HYDIN: variants seen among roughly 807,000 people sequenced by gnomAD.
The protein encoded by HYDIN is HYDIN axonemal central pair apparatus protein.
HYDIN carries 132 observed loss-of-function variants against 403.9 expected under a neutral mutation model. That is an observed-to-expected ratio of 0.33 (90% CI 0.28 to 0.38). The LOEUF (loss-of-function observed/expected upper bound fraction) is 0.38. Among genes scored for constraint, HYDIN ranks in the 10% least tolerant of loss-of-function variants. HYDIN has a pLI of 1.00. For synonymous variants in HYDIN, 1,202 were observed against 1,891.7 expected (o/e 0.64, Z 9.46); for missense variants, 2,827 against 5,009.5 (o/e 0.56, Z 13.15).
At chr16:71,042,475 T>C (rs1183577393) in intron 18 of HYDIN, among the ~76,000 whole-genome samples, 1 of 152,216 alleles carries the variant, frequency 6.6e-6, no homozygotes, top group Non-Finnish European at 1.5e-5. Context: ...TCTCTCTCTC[T>C]CTTTCACTTT....
chr16:71,190,238 T>C (rs897933132), intron 1 of HYDIN, among the ~76,000 whole-genome samples: 2 of 152,018 alleles, frequency 1.3e-5, no homozygotes, highest in Admixed American at 6.6e-5. Flanking sequence ...ACTTGGCACA[T>C]TGTCTCATAC....
Position 71,175,678 on chromosome 16 carries a change from C to A in HYDIN, c.445G>T (p.Asp149Tyr). 1.2e-6 allele frequency: 2 copies of A among 1,614,178 alleles called. No homozygotes were observed. Among genetic ancestry groups the A allele is most frequent in the Non-Finnish European group, 1.7e-6 (2 of 1,179,980 alleles). The stretch of plus-strand genomic sequence containing the variant: ...CCAGGAGCCACTTTGTGGCCAATAT[C>A]TTTGGGGCTGATTACTTTAAAGTAA... ...SPYFKVISPK[D>Y]IGHKVAPGVP... is the part of the protein sequence containing the mutation. Residue 149 changes from aspartate (D) to tyrosine (Y), a missense_variant, in exon 5 of 86, where the codon GAT becomes TAT. By Grantham distance (160) the Asp-to-Tyr change is radical. Coordinates refer to ENST00000393567, the MANE Select transcript of HYDIN (RefSeq NM_001270974.2).
intron 4 of HYDIN, among the ~76,000 whole-genome samples, chr16:71,178,221 A>G (rs1448699249): frequency 6.6e-6 from 1 of 152,090 alleles, no homozygotes; most frequent in East Asian, 1.9e-4. Flanking sequence ...GGAGCTTGAG[A>G]GCAGCCTGAC....
chr16:70,892,776 G>A (rs1436708822), intron 55 of HYDIN, among the ~76,000 whole-genome samples: 1 of 152,190 alleles, frequency 6.6e-6, no homozygotes, highest in Non-Finnish European at 1.5e-5. Context: ...GGCCATTGCA[G>A]GAGATCTCTG....
At chr16:71,042,193 C>T (rs981015409) in intron 18 of HYDIN, among the ~76,000 whole-genome samples, 6 of 151,986 alleles carry the variant, frequency 3.9e-5, no homozygotes, top group Admixed American at 1.3e-4. Context: ...TACATACACA[C>T]AATTTCAAAA....
At chr16:70,811,430 C>T (rs1459217576) in intron 84 of HYDIN, 1 of 152,782 alleles carries the variant, frequency 6.5e-6, no homozygotes, top group Middle Eastern at 6.6e-4. Context: ...CAGTGAGACC[C>T]CATCTCTAAA....
chr16:71,093,796 A>G (rs780978053), intron 11 of HYDIN, 21 bp downstream of exon 11: 14 of 1,608,806 alleles, frequency 8.7e-6, no homozygotes, highest in Non-Finnish European at 1.1e-5. Context: ...TGAAGTATCA[A>G]CGAACAACTC....
chr16:71,102,506 T>C (rs1308971293), intron 10 of HYDIN, among the ~76,000 whole-genome samples: 1 of 151,756 alleles, frequency 6.6e-6, no homozygotes, highest in Non-Finnish European at 1.5e-5. Context: ...TAAGTTGTTT[T>C]ACCTAAATTC....
Position 71,129,631 on chromosome 16 carries a change from T to C in HYDIN, c.1227+9A>G, listed in dbSNP as rs764016172. On this transcript the variant is annotated intron_variant, in intron 9 of 85. Transcript: ENST00000393567. The stretch of plus-strand genomic sequence containing the variant: ...TTCCTGTATGGTCAGCTTTTATTTA[T>C]ATGCTCACCAGGGGCTCCACAGTGA... 6.2e-7 allele frequency: 1 copy of C among 1,601,860 alleles called. No individual in the cohort carries two copies. The highest frequency in any genetic ancestry group is 8.5e-7 in the Non-Finnish European group (1 of 1,175,484).
rs1200364003 is a variant in HYDIN, at chr16:71,178,432, AAAAT to A, written c.381+492_381+495del. On this transcript the variant is annotated intron_variant, in intron 4 of 85. Coordinates refer to ENST00000393567, the MANE Select transcript of HYDIN (RefSeq NM_001270974.2). ...GAAACTCTGTCTCAAAAAAAAAAAA[AAAAT>A]ATATATATATATATATGTATATATA... is the stretch of plus-strand genomic sequence containing the variant. 7.8e-3 allele frequency among the ~76,000 whole-genome samples: 627 copies of A among 80,710 alleles called. 2 individuals are homozygous for A. Among genetic ancestry groups the A allele is most frequent in the Middle Eastern group, 0.028 (5 of 180 alleles). The allele number at this position is 80,710 out of a possible 152,430, so 52.9% of individuals were successfully genotyped here. A position where few individuals can be genotyped will look rare whatever the true frequency, so the allele number is the denominator to read the frequency against.
chr16:70,994,400 G>T (rs2079461853), intron 23 of HYDIN, among the ~76,000 whole-genome samples: 1 of 152,110 alleles, frequency 6.6e-6, no homozygotes, highest in Non-Finnish European at 1.5e-5. Flanking sequence ...CTGGGATAAA[G>T]AGTGGCGATG....
intron 47 of HYDIN, among the ~76,000 whole-genome samples, chr16:70,909,213 G>A (rs2076622228): frequency 6.6e-6 from 1 of 151,496 alleles, no homozygotes; most frequent in Admixed American, 6.6e-5. Context: ...ATATTTTGTT[G>A]GCATATACCC....
chr16:71,186,645 T>C (rs2087165300), intron 2 of HYDIN, 116 bp downstream of exon 2: 1 of 803,016 alleles, frequency 1.2e-6, no homozygotes, highest in Non-Finnish European at 2.0e-6. Context: ...TATAACTAAA[T>C]TGATATTAAT....
chr16:70,836,140 G>A (rs2143526194), intron 77 of HYDIN, among the ~76,000 whole-genome samples: 1 of 152,326 alleles, frequency 6.6e-6, no homozygotes, highest in East Asian at 1.9e-4. Flanking sequence ...TTCCGAAGAT[G>A]GCATGTATAC....
At chr16:71,216,105 C>G (rs114143092) in intron 1 of HYDIN, among the ~76,000 whole-genome samples, 2 of 152,130 alleles carry the variant, frequency 1.3e-5, no homozygotes, top group South Asian at 2.1e-4. Context: ...TATGACCCAG[C>G]AGTTTTACCC....
At chr16:70,938,471 T>G in intron 44 of HYDIN, 143 bp downstream of exon 44, 1 of 725,326 alleles carries the variant, frequency 1.4e-6, no homozygotes, top group Non-Finnish European at 2.3e-6. Context: ...ATCTTTCTGC[T>G]CCTTGCAGGT....
chr16:71,034,940 C>A (rs1597604097), intron 18 of HYDIN, among the ~76,000 whole-genome samples: 1 of 135,040 alleles, frequency 7.4e-6, no homozygotes, highest in Non-Finnish European at 1.6e-5. Context: ...TAAAGTAGGA[C>A]CTGGATGGAG....
chr16:71,229,795 A>C (rs2041199436), intron 1 of HYDIN, among the ~76,000 whole-genome samples: 1 of 152,248 alleles, frequency 6.6e-6, no homozygotes, highest in Non-Finnish European at 1.5e-5. Flanking sequence ...AGCTAATGGA[A>C]TCATTCTACA....
chr16:70,950,554 G>A (rs1000611116), intron 41 of HYDIN, among the ~76,000 whole-genome samples: 2 of 150,980 alleles, frequency 1.3e-5, no homozygotes, highest in Non-Finnish European at 1.5e-5. Context: ...CACTGCACCC[G>A]GCCTAAGGAC....
Sources: allele counts gnomAD v4.1 joint callset (sites outside exome capture counted in the v4.1 genomes callset), GRCh38; gene constraint gnomAD v4.1.1; transcripts MANE v1.5; gene names NCBI Gene and HGNC (gene_info 2026-07-23, HGNC 2026-07-21).